Variants in GLI3 observed in about 807,000 individuals in gnomAD.
GLI3 encodes the protein transcription activator GLI3.
In GLI3, 20 loss-of-function variants were observed where a neutral mutation model predicts 100.8. That is an observed-to-expected ratio of 0.20 (90% CI 0.14 to 0.29). The LOEUF (loss-of-function observed/expected upper bound fraction) is 0.29. Among genes scored for constraint, GLI3 ranks in the 10% least tolerant of loss-of-function variants. The probability of loss-of-function intolerance (pLI) is 1.00; values close to 1 mark genes in which losing one functional copy is unlikely to be tolerated. For synonymous variants in GLI3, 938 were observed against 860.5 expected, an observed-to-expected ratio of 1.09 and a Z score of -1.58; for missense variants, 2,040 against 2,128.5, an observed-to-expected ratio of 0.96 and a Z score of 0.82.
chr7:42,240,986 A>G (rs746812494), upstream of GLI3, among the ~76,000 whole-genome samples: 1 of 152,210 alleles, frequency 6.6e-6, no homozygotes, highest in Non-Finnish European at 1.5e-5. Context: ...AATTATTGGA[A>G]AATTCCAGGA....
upstream of GLI3, among the ~76,000 whole-genome samples, chr7:42,241,674 A>C (rs1325474625): frequency 2.0e-5 from 3 of 152,106 alleles, no homozygotes; most frequent in Non-Finnish European, 4.4e-5. Context: ...TGGGATTATA[A>C]ATGTAACCCA....
At chr7:42,161,592 G>A (rs1787131444) in intron 2 of GLI3, among the ~76,000 whole-genome samples, 1 of 152,286 alleles carries the variant, frequency 6.6e-6, no homozygotes, top group East Asian at 1.9e-4. Context: ...AAATAACTAT[G>A]AGGCAGACAG....
rs1166516711 is a variant in GLI3 at position 42,025,355 on chromosome 7, G to A, written c.1265C>T (p.Ala422Val). The change falls in exon 9 of 15, where the codon GCA (alanine) becomes GTA (valine). Residue 422 changes from alanine (A) to valine (V), a missense_variant. Physicochemically the swap from Ala to Val is moderately conservative, Grantham distance 64 (BLOSUM62 0). Around this residue, in one of 5 missense-constraint regions of GLI3, gnomAD observed 603 missense variants for 690.9 expected, o/e 0.87. Transcript: ENST00000395925. ...CATCGGGTCACCAGTGCTGCTCACTGCAGACTCACTCGTGGGCTTGTTCTG... is the reference window on the plus strand; with the variant it reads ...CATCGGGTCACCAGTGCTGCTCACTACAGACTCACTCGTGGGCTTGTTCTG... ...SSQNKPTSESAVSSTGDPMHN... is the reference protein window; with the variant it reads ...SSQNKPTSESVVSSTGDPMHN... 1.2e-6 allele frequency: 2 copies of A among 1,613,418 alleles called. No homozygotes were observed. Among genetic ancestry groups the A allele is most frequent in the African/African-American group, 2.7e-5 (2 of 74,912 alleles).
At chr7:42,147,071 AT>A (rs1786728473) in intron 3 of GLI3, among the ~76,000 whole-genome samples, 2 of 152,160 alleles carry the variant, frequency 1.3e-5, no homozygotes, top group Non-Finnish European at 2.9e-5. Context: ...CTTAAAAAAA[AT>A]AATGTAGCTT....
intron 2 of GLI3, among the ~76,000 whole-genome samples, chr7:42,207,139 C>T (rs534394713): frequency 1.3e-5 from 2 of 152,164 alleles, no homozygotes; most frequent in African/African-American, 2.4e-5. Flanking sequence ...TATGCATACC[C>T]TAGGAGACAA....
At chr7:42,053,777 A>G (rs1784398646) in intron 4 of GLI3, among the ~76,000 whole-genome samples, 1 of 152,226 alleles carries the variant, frequency 6.6e-6, no homozygotes, top group South Asian at 2.1e-4. Context: ...AAAAACACTG[A>G]AATTCAGAAC....
chr7:42,202,346 TCACACACACACACA>T (rs59941465), intron 2 of GLI3, among the ~76,000 whole-genome samples: 4 of 115,248 alleles, frequency 3.5e-5, no homozygotes, highest in East Asian at 5.3e-4. Context: ...TCTCTCTCTC[TCACACACACACACA>T]CACACACACA....
chr7:41,968,740 G>GAAAGAAAGAAGA (rs1787275395), intron 13 of GLI3, among the ~76,000 whole-genome samples: 1 of 124,654 alleles, frequency 8.0e-6, no homozygotes, highest in Non-Finnish European at 1.6e-5. Context: ...AAGAAAGAAA[G>GAAAGAAAGAAGA]AAAGAAAGAA....
intron 5 of GLI3, among the ~76,000 whole-genome samples, chr7:42,047,034 T>TG (rs1784260128): frequency 6.6e-6 from 1 of 152,088 alleles, no homozygotes; most frequent in Non-Finnish European, 1.5e-5. Flanking sequence ...TGCACACCAG[T>TG]GGTCCCAGCT....
At chr7:41,968,194 C>G (rs74394072) in intron 13 of GLI3, among the ~76,000 whole-genome samples, 7 of 152,158 alleles carry the variant, frequency 4.6e-5, no homozygotes, top group Non-Finnish European at 1.0e-4. Context: ...CTGCCCCAAT[C>G]GCCAACTCTG....
At chr7:42,047,765 A>T (rs1784273412) in intron 5 of GLI3, among the ~76,000 whole-genome samples, 1 of 152,230 alleles carries the variant, frequency 6.6e-6, no homozygotes, top group Non-Finnish European at 1.5e-5. Flanking sequence ...GTCTAAGCTC[A>T]TTTCCTTTCC....
intron 3 of GLI3, among the ~76,000 whole-genome samples, chr7:42,091,205 C>T (rs1785210198): frequency 6.6e-6 from 1 of 152,248 alleles, no homozygotes; most frequent in Non-Finnish European, 1.5e-5. Flanking sequence ...GTATTTCCCA[C>T]AAAAGTACTC....
intron 3 of GLI3, among the ~76,000 whole-genome samples, chr7:42,125,785 G>A (rs949641806): frequency 4.6e-5 from 7 of 152,030 alleles, no homozygotes; most frequent in African/African-American, 1.4e-4. Flanking sequence ...AACTATAGAC[G>A]GCATTTACGT....
chr7:42,008,042 C>T (rs760997525), intron 10 of GLI3, among the ~76,000 whole-genome samples: 10 of 152,304 alleles, frequency 6.6e-5, no homozygotes, highest in Non-Finnish European at 1.3e-4. Flanking sequence ...AGGCATGTAA[C>T]TGGCTTGCAA....
intron 10 of GLI3, among the ~76,000 whole-genome samples, chr7:41,997,971 T>C (rs145093731): frequency 6.0e-4 from 91 of 152,340 alleles, no homozygotes; most frequent in African/African-American, 2.1e-3. Flanking sequence ...GCTTCTGCTC[T>C]AGGGCAGAAG....
rs1789261034 is a variant in GLI3 at position 42,030,692 on chromosome 7, ATTTG to A, written c.1029-4284_1029-4281del. 1.2e-4 allele frequency among the ~76,000 whole-genome samples: 15 copies of A among 128,208 alleles called. No homozygotes were observed. In the South Asian group the frequency reaches 3.5e-3, roughly 30 times the overall value. 84.1% of individuals were successfully genotyped at this position (128,208 alleles called of 152,430 possible). On this transcript the variant is annotated intron_variant, in intron 7 of 14. Coordinates refer to ENST00000395925, the MANE Select transcript of GLI3 (RefSeq NM_000168.6). ...CAAATAGAAATTATTACTATTGTTGATTTGTTTTTTTTTTTTTTGTTTTTTTGTT... is the reference window on the plus strand; with the variant it reads ...CAAATAGAAATTATTACTATTGTTGATTTTTTTTTTTTTTGTTTTTTTGTT...
At chr7:42,061,558 G>A (rs935916259) in intron 4 of GLI3, among the ~76,000 whole-genome samples, 1 of 152,076 alleles carries the variant, frequency 6.6e-6, no homozygotes, top group Non-Finnish European at 1.5e-5. Flanking sequence ...AGGGCCATTG[G>A]TCCCATAAAG....
At chr7:42,255,789 G>C (rs1789079699) in intron 1 of GLI3, among the ~76,000 whole-genome samples, 1 of 152,148 alleles carries the variant, frequency 6.6e-6, no homozygotes, top group African/African-American at 2.4e-5. Flanking sequence ...AAGTGGCTTT[G>C]TGTGGACATA....
At position 41,966,667 on chromosome 7, in the gene GLI3, A is replaced by G. The variant is rs1787194096; in HGVS notation, c.2432-26T>C. The G allele has an allele frequency of 1.9e-6, 3 of 1,612,870 alleles. No individual in the cohort carries two copies. The highest frequency in any genetic ancestry group is 2.5e-6 in the Non-Finnish European group (3 of 1,179,246). ...CTGGAGACAGAGAAAGGGAGAGACC[A>G]TGCGGAGATGAATTCCCTTCGAGCA... On this transcript the variant is annotated intron_variant, in intron 14 of 14. Coordinates refer to ENST00000395925, the MANE Select transcript of GLI3 (RefSeq NM_000168.6). This position sits in a 1 kb window ranked among gnomAD's most constrained non-coding sequence, Gnocchi z 5.8.
Sources: allele counts gnomAD v4.1 joint callset (sites outside exome capture counted in the v4.1 genomes callset), GRCh38; gene constraint gnomAD v4.1.1; regional missense constraint gnomAD v4.1.1; non-coding constraint Gnocchi (gnomAD v3.1); transcripts MANE v1.5; gene names NCBI Gene and HGNC (gene_info 2026-07-23, HGNC 2026-07-21).